The following C12orf42 variants were observed in gnomAD, a reference collection of about 807,000 sequenced individuals.
The protein encoded by C12orf42 is chromosome 12 open reading frame 42.
Under a neutral mutation model 21.6 loss-of-function variants are expected in C12orf42, and 25 were observed. The observed-to-expected ratio is 1.16, with a 90% CI of 0.84 to 1.62. C12orf42 has a LOEUF of 1.62. Among genes scored for constraint, C12orf42 ranks in the 40% most tolerant of loss-of-function variants. The probability of loss-of-function intolerance (pLI) is 0.00; values close to 1 mark genes in which losing one functional copy is unlikely to be tolerated. For synonymous variants in C12orf42, 174 were observed against 175.0 expected (o/e 0.99, Z 0.05); for missense variants, 483 against 459.3 (o/e 1.05, Z -0.47).
chr12:103,214,749 C>T, the C12orf42 span, among the ~76,000 whole-genome samples: 12 of 152,188 alleles, frequency 7.9e-5, no homozygotes, highest in Admixed American at 7.2e-4. Flanking sequence ...TTTTCTCCAA[C>T]TTAGCGGGAT....
chr12:103,251,658 T>G (rs1216314339), intron 10 of C12orf42, among the ~76,000 whole-genome samples: 1 of 152,184 alleles, frequency 6.6e-6, no homozygotes, highest in African/African-American at 2.4e-5. Flanking sequence ...ATGGCCTGCA[T>G]AGTATGACAC....
At chr12:103,223,927 G>T in the C12orf42 span, among the ~76,000 whole-genome samples, 2 of 152,186 alleles carry the variant, frequency 1.3e-5, no homozygotes, top group Non-Finnish European at 2.9e-5. Flanking sequence ...TCTTGAAGAC[G>T]GAGGACCGTA....
the C12orf42 span, among the ~76,000 whole-genome samples, chr12:103,171,779 G>A: frequency 6.6e-6 from 1 of 152,088 alleles, no homozygotes; most frequent in Non-Finnish European, 1.5e-5. Context: ...TGGGGAAGAA[G>A]AGACAAGTCT....
At chr12:103,385,462 T>C (rs1162314842) in intron 3 of C12orf42, among the ~76,000 whole-genome samples, 1 of 152,222 alleles carries the variant, frequency 6.6e-6, no homozygotes, top group African/African-American at 2.4e-5. Flanking sequence ...TGATGAGTAA[T>C]GAATCCAGAT....
chr12:103,506,456 A>G, the C12orf42 span, among the ~76,000 whole-genome samples: 82 of 152,104 alleles, frequency 5.4e-4, no homozygotes, highest in African/African-American at 1.9e-3. Flanking sequence ...ATGGTCCTGT[A>G]AGATTATAAT....
chr12:103,333,744 A>T (rs1309764984), intron 4 of C12orf42, among the ~76,000 whole-genome samples: 1 of 152,204 alleles, frequency 6.6e-6, no homozygotes, highest in African/African-American at 2.4e-5. Context: ...TAAAAAAAAA[A>T]ATTTGGCCTG....
the C12orf42 span, among the ~76,000 whole-genome samples, chr12:103,205,176 G>A: frequency 3.5e-4 from 54 of 152,274 alleles, no homozygotes; most frequent in Non-Finnish European, 5.6e-4. Flanking sequence ...AACACTATTC[G>A]TTGGAAAATA....
At chr12:103,417,645 C>A (rs2049479137) in intron 2 of C12orf42, among the ~76,000 whole-genome samples, 1 of 152,178 alleles carries the variant, frequency 6.6e-6, no homozygotes, top group Non-Finnish European at 1.5e-5. Flanking sequence ...CTGCTATTAA[C>A]CTTTAAGCAC....
chr12:103,412,471 C>A (rs1034407001), intron 2 of C12orf42, among the ~76,000 whole-genome samples: 6 of 152,138 alleles, frequency 3.9e-5, no homozygotes, highest in Non-Finnish European at 7.4e-5. Flanking sequence ...GAGTTCGAGA[C>A]TGGCCTGGCC....
At chr12:103,080,397 A>G in the C12orf42 span, among the ~76,000 whole-genome samples, 1 of 152,100 alleles carries the variant, frequency 6.6e-6, no homozygotes, top group African/African-American at 2.4e-5. Flanking sequence ...CAACTAAACC[A>G]TTGTATTTAA....
At chr12:103,439,201 C>A (rs1211039200) in intron 2 of C12orf42, among the ~76,000 whole-genome samples, 1 of 151,070 alleles carries the variant, frequency 6.6e-6, no homozygotes, top group Non-Finnish European at 1.5e-5. Flanking sequence ...AACTGGCTAG[C>A]CATATGTAGA....
the C12orf42 span, among the ~76,000 whole-genome samples, chr12:103,101,490 C>T: frequency 3.3e-5 from 5 of 152,132 alleles, no homozygotes; most frequent in Non-Finnish European, 7.4e-5. Flanking sequence ...AAGAAATTGA[C>T]ATCTTGTTCA....
intron 4 of C12orf42, among the ~76,000 whole-genome samples, chr12:103,336,808 G>A (rs1427342028): frequency 6.6e-6 from 1 of 152,136 alleles, no homozygotes; most frequent in East Asian, 1.9e-4. Context: ...AGCTTGAAGT[G>A]GCTCCCTTTA....
chr12:103,279,648 C>T (rs758850302), intron 4 of C12orf42, among the ~76,000 whole-genome samples: 8 of 152,166 alleles, frequency 5.3e-5, no homozygotes, highest in Non-Finnish European at 8.8e-5. Context: ...GAGATGTCAA[C>T]ATAATGACTA....
chr12:103,372,741 G>C (rs2045365988), intron 3 of C12orf42, among the ~76,000 whole-genome samples: 1 of 152,074 alleles, frequency 6.6e-6, no homozygotes. Context: ...GACAAAGTAG[G>C]AAAACTGAGG....
At chr12:103,179,241 T>C in the C12orf42 span, among the ~76,000 whole-genome samples, 1 of 152,166 alleles carries the variant, frequency 6.6e-6, no homozygotes, top group African/African-American at 2.4e-5. Flanking sequence ...AAGAGGTGAT[T>C]GTTGCTATCA....
intron 4 of C12orf42, among the ~76,000 whole-genome samples, chr12:103,314,737 G>A (rs77921168): frequency 0.02 from 3,023 of 152,198 alleles, 90 homozygotes; most frequent in African/African-American, 0.068. Flanking sequence ...TCTAGCCGAG[G>A]GAAGGGAATC....
intron 4 of C12orf42, among the ~76,000 whole-genome samples, chr12:103,360,378 T>C (rs1239174364): frequency 2.0e-5 from 3 of 151,586 alleles, no homozygotes; most frequent in South Asian, 2.1e-4. Context: ...ACTAAGTGAG[T>C]CCCTCATTCT....
chr12:103,165,988 C>T, the C12orf42 span, among the ~76,000 whole-genome samples: 8 of 150,810 alleles, frequency 5.3e-5, no homozygotes, highest in African/African-American at 1.7e-4. Flanking sequence ...TGGAGTGAGC[C>T]GAGATCGCGC....
Sources: gnomAD v4.1 joint callset for allele counts (sites outside exome capture counted in the v4.1 genomes callset) on GRCh38, gnomAD v4.1.1 for gene constraint, MANE v1.5 for transcripts, NCBI Gene and HGNC (gene_info 2026-07-23, HGNC 2026-07-21) for gene names.